ARHGAP32: variants seen among roughly 807,000 people sequenced by gnomAD.
ARHGAP32 encodes the protein Rho GTPase activating protein 32.
Under a neutral mutation model 186.5 loss-of-function variants are expected in ARHGAP32, and 51 were observed. That is an observed-to-expected ratio of 0.27 (90% CI 0.22 to 0.35). The LOEUF (loss-of-function observed/expected upper bound fraction) is 0.35. ARHGAP32 is among the 10% of genes least tolerant of loss of function. ARHGAP32 has a pLI of 1.00. For synonymous variants in ARHGAP32, 950 were observed against 964.3 expected (o/e 0.99, Z 0.27); for missense variants, 2,186 against 2,623.5 (o/e 0.83, Z 3.64).
chr11:129,162,804 A>C (rs778521951), intron 2 of ARHGAP32, among the ~76,000 whole-genome samples: 25 of 152,180 alleles, frequency 1.6e-4, no homozygotes, highest in Non-Finnish European at 3.1e-4. Flanking sequence ...AAGTCATCTT[A>C]ATGACAACTA....
intron 9 of ARHGAP32, 85 bp from the exon 10 acceptor site, chr11:129,062,442 T>A (rs1430902900): frequency 4.3e-6 from 5 of 1,169,670 alleles, no homozygotes; most frequent in Non-Finnish European, 6.3e-6. Context: ...CCGAACTGTA[T>A]GAAAAGGTAA....
intron 11 of ARHGAP32, among the ~76,000 whole-genome samples, chr11:128,999,764 C>T (rs117435945): frequency 0.012 from 1,894 of 152,298 alleles, 22 homozygotes; most frequent in Non-Finnish European, 0.021. Context: ...CACCACCTTA[C>T]CTTATGAGAC....
chr11:129,080,560 A>T (rs1172865291), intron 6 of ARHGAP32, among the ~76,000 whole-genome samples: 1 of 152,190 alleles, frequency 6.6e-6, no homozygotes, highest in Admixed American at 6.5e-5. Context: ...CTGAACGATA[A>T]CAGAGACACA....
intron 1 of ARHGAP32, among the ~76,000 whole-genome samples, chr11:129,174,109 C>A (rs958251104): frequency 6.6e-6 from 1 of 152,158 alleles, no homozygotes; most frequent in Admixed American, 6.5e-5. Context: ...CAAAGCAGGG[C>A]GAGGCATTGC....
At chr11:129,194,939 G>GT (rs200028337), upstream of ARHGAP32, among the ~76,000 whole-genome samples, 1 of 110,854 alleles carries the variant, frequency 9.0e-6, no homozygotes, top group Non-Finnish European at 1.9e-5. Flanking sequence ...TCAAAGTGTT[G>GT]TTTTTTTGTG....
intron 11 of ARHGAP32, among the ~76,000 whole-genome samples, chr11:129,022,945 G>A (rs1364652991): frequency 6.6e-6 from 1 of 152,098 alleles, no homozygotes; most frequent in Non-Finnish European, 1.5e-5. Context: ...TATTATATGA[G>A]CAGTAGATGC....
chr11:129,193,256 G>A (rs1473769777), upstream of ARHGAP32, among the ~76,000 whole-genome samples: 2 of 126,638 alleles, frequency 1.6e-5, no homozygotes, highest in African/African-American at 6.0e-5. Flanking sequence ...TGCATCACTT[G>A]AGCTCAAGAG....
chr11:129,203,411 T>C (rs1376471924), intron 1 of ARHGAP32, among the ~76,000 whole-genome samples: 1 of 152,148 alleles, frequency 6.6e-6, no homozygotes, highest in Non-Finnish European at 1.5e-5. Context: ...GAATAAAACA[T>C]ATCAGAATCA....
At chr11:128,985,028 G>T (rs1339084092) in intron 15 of ARHGAP32, among the ~76,000 whole-genome samples, 5 of 151,866 alleles carry the variant, frequency 3.3e-5, no homozygotes, top group Non-Finnish European at 4.4e-5. Flanking sequence ...ACCACAATTA[G>T]AATTTTTTTT....
chr11:128,998,494 C>G, intron 11 of ARHGAP32, 26 bp from the exon 12 acceptor site: 2 of 1,503,938 alleles, frequency 1.3e-6, no homozygotes, highest in Non-Finnish European at 8.9e-7. Flanking sequence ...GAGAAAAGAT[C>G]TTAGTTGTGG....
At chr11:129,017,900 G>A (rs897701360) in intron 11 of ARHGAP32, among the ~76,000 whole-genome samples, 5 of 152,122 alleles carry the variant, frequency 3.3e-5, no homozygotes, top group Non-Finnish European at 5.9e-5. Flanking sequence ...AGGAACAAGT[G>A]TTGACCTTTA....
At chr11:129,102,572 C>T (rs1186203606) in intron 5 of ARHGAP32, among the ~76,000 whole-genome samples, 1 of 152,102 alleles carries the variant, frequency 6.6e-6, no homozygotes, top group East Asian at 1.9e-4. Flanking sequence ...GACATTTCTC[C>T]TAAGAAGATA....
chr11:129,194,864 T>C (rs36107611), upstream of ARHGAP32, among the ~76,000 whole-genome samples: 29,570 of 151,260 alleles, frequency 0.2, 3,078 homozygotes, highest in Non-Finnish European at 0.23. Flanking sequence ...CAGTAAAGAA[T>C]TGGATTTTTA....
intron 11 of ARHGAP32, among the ~76,000 whole-genome samples, chr11:129,033,003 GA>G (rs1339218873): frequency 2.0e-5 from 3 of 152,158 alleles, no homozygotes; most frequent in African/African-American, 7.2e-5. Context: ...GAACTCTTAG[GA>G]TTTTGAACTC....
At chr11:129,268,645 T>C (rs1945435516) in intron 1 of ARHGAP32, among the ~76,000 whole-genome samples, 1 of 131,402 alleles carries the variant, frequency 7.6e-6, no homozygotes, top group Non-Finnish European at 1.6e-5. Flanking sequence ...TCTTGCTCTT[T>C]CGTTATTTGC....
At chr11:129,025,915 T>C (rs957361552) in intron 11 of ARHGAP32, among the ~76,000 whole-genome samples, 1 of 149,780 alleles carries the variant, frequency 6.7e-6, no homozygotes, top group Non-Finnish European at 1.5e-5. Context: ...AAGTAATACA[T>C]GTTATTACTT....
Position 129,225,666 on chromosome 11 carries a change from T to G in ARHGAP32, c.-5+53480A>C, listed in dbSNP as rs536333342. On this transcript the variant is annotated intron_variant, in intron 1 of 6. Coordinates refer to the ARHGAP32 transcript ENST00000525234. The stretch of plus-strand genomic sequence containing the variant: ...ATGATTTTCAAAGTTGCCACCCCAC[T>G]ATATTATATAAAATGTCCAGTCTTC... 6.2e-4 allele frequency among the ~76,000 whole-genome samples: 94 copies of G among 152,254 alleles called. 1 individual carries two copies. Among genetic ancestry groups the G allele is most frequent in the African/African-American group, 2.2e-3 (93 of 41,558 alleles).
chr11:128,981,345 A>C (rs1945701106), intron 17 of ARHGAP32, 71 bp downstream of exon 17: 1 of 1,479,670 alleles, frequency 6.8e-7, no homozygotes, highest in Non-Finnish European at 9.1e-7. Flanking sequence ...TGCAATAAGA[A>C]ATGCATGGTT....
At chr11:129,195,955 T>C (rs1944386046), upstream of ARHGAP32, among the ~76,000 whole-genome samples, 4 of 152,294 alleles carry the variant, frequency 2.6e-5, no homozygotes, top group South Asian at 8.3e-4. Flanking sequence ...TAAACCCTGA[T>C]CAGCCTTCAC....
Sources: gnomAD v4.1 joint callset for allele counts (sites outside exome capture counted in the v4.1 genomes callset) on GRCh38, gnomAD v4.1.1 for gene constraint, MANE v1.5 for transcripts, NCBI Gene and HGNC (gene_info 2026-07-23, HGNC 2026-07-21) for gene names.